CACNA2D1: variants seen among roughly 807,000 people sequenced by gnomAD.
CACNA2D1 encodes calcium voltage-gated channel auxiliary subunit alpha2delta 1.
Under a neutral mutation model 171.5 loss-of-function variants are expected in CACNA2D1, and 53 were observed. The observed-to-expected ratio is 0.31, with a 90% confidence interval of 0.25 to 0.39. The LOEUF (loss-of-function observed/expected upper bound fraction) is 0.39. Among genes scored for constraint, CACNA2D1 ranks in the 10% least tolerant of loss-of-function variants. CACNA2D1 has a pLI of 1.00. For synonymous variants in CACNA2D1, 442 were observed against 443.1 expected (o/e 1.00, Z 0.03); for missense variants, 903 against 1,299.8 (o/e 0.69, Z 4.69).
intron 4 of CACNA2D1, among the ~76,000 whole-genome samples, chr7:82,162,496 G>A (rs988684454): frequency 2.0e-5 from 3 of 151,940 alleles, no homozygotes; most frequent in African/African-American, 7.2e-5. Flanking sequence ...GCACAGCAGG[G>A]GAGAGCTGGT....
chr7:82,163,020 T>C (rs770796903), intron 4 of CACNA2D1, among the ~76,000 whole-genome samples: 6 of 152,024 alleles, frequency 3.9e-5, no homozygotes, highest in Non-Finnish European at 8.8e-5. Flanking sequence ...CACAGTAATA[T>C]TAACATAGCC....
intron 1 of CACNA2D1, among the ~76,000 whole-genome samples, chr7:82,441,976 G>T (rs1360286725): frequency 1.3e-5 from 2 of 152,224 alleles, no homozygotes; most frequent in Non-Finnish European, 2.9e-5. Context: ...GGAACATCCT[G>T]CCAATTAAAC....
intron 10 of CACNA2D1, among the ~76,000 whole-genome samples, chr7:82,049,596 A>T: frequency 6.6e-6 from 1 of 152,180 alleles, no homozygotes; most frequent in Non-Finnish European, 1.5e-5. Flanking sequence ...AGTTAACAGT[A>T]ATGCGATAAA....
At chr7:82,062,729 CTTTTTTTT>C (rs71520797) in intron 9 of CACNA2D1, among the ~76,000 whole-genome samples, 2 of 52,168 alleles carry the variant, frequency 3.8e-5, no homozygotes, top group Non-Finnish European at 6.7e-5. Context: ...GGTATATCTC[CTTTTTTTT>C]TTTTTTTTTT....
At chr7:82,111,333 C>T (rs1157327223) in intron 6 of CACNA2D1, among the ~76,000 whole-genome samples, 4 of 106,896 alleles carry the variant, frequency 3.7e-5, no homozygotes, top group African/African-American at 8.1e-5. Flanking sequence ...TACGCATACA[C>T]GTATATATAT....
intron 20 of CACNA2D1, among the ~76,000 whole-genome samples, chr7:81,991,828 C>T (rs1206913330): frequency 6.6e-6 from 1 of 151,658 alleles, no homozygotes; most frequent in Non-Finnish European, 1.5e-5. Context: ...ATTGCGATGG[C>T]ACATGTATAA....
chr7:82,026,581 T>C (rs1043617614), intron 12 of CACNA2D1, among the ~76,000 whole-genome samples: 2 of 151,860 alleles, frequency 1.3e-5, no homozygotes, highest in South Asian at 2.1e-4. Flanking sequence ...GTAACATTAA[T>C]TTTGTGGCTC....
At chr7:81,956,366 A>C (rs1159208063) in intron 38 of CACNA2D1, among the ~76,000 whole-genome samples, 2 of 151,962 alleles carry the variant, frequency 1.3e-5, no homozygotes, top group Non-Finnish European at 2.9e-5. Context: ...ATAACCTATA[A>C]ATCTTATCTA....
intron 3 of CACNA2D1, among the ~76,000 whole-genome samples, chr7:82,258,308 CAAA>C (rs60283753): frequency 5.6e-5 from 7 of 124,990 alleles, no homozygotes; most frequent in Admixed American, 2.4e-4. Flanking sequence ...CAGAAGGCAG[CAAA>C]AAAAAAAAAA....
At chr7:82,354,452 G>A (rs1820204700) in intron 1 of CACNA2D1, among the ~76,000 whole-genome samples, 1 of 152,154 alleles carries the variant, frequency 6.6e-6, no homozygotes, top group Non-Finnish European at 1.5e-5. Flanking sequence ...CTAATCCATG[G>A]CTAGAAGAGA....
At chr7:82,291,148 ATATAATTCTATATCGATATAGAAT>A (rs556735108) in intron 3 of CACNA2D1, among the ~76,000 whole-genome samples, 5,990 of 129,492 alleles carry the variant, frequency 0.046, 413 homozygotes, top group African/African-American at 0.15. Context: ...CCACTTGTAC[ATATAATTCTATATCGATATAGAAT>A]TATAATTCTA....
At chr7:82,189,887 T>A (rs1798123289) in intron 3 of CACNA2D1, among the ~76,000 whole-genome samples, 2 of 151,998 alleles carry the variant, frequency 1.3e-5, no homozygotes, top group Admixed American at 1.3e-4. Context: ...AGGAAAAAAA[T>A]TAAACTAATT....
At chr7:81,971,082 C>T (rs1262272960) in intron 26 of CACNA2D1, 1 of 257,116 alleles carries the variant, frequency 3.9e-6, no homozygotes, top group African/African-American at 2.3e-5. Flanking sequence ...AAACGTAAGA[C>T]AAAAGGAGAG....
chr7:82,413,211 G>C lies in CACNA2D1; in HGVS notation c.95+30154C>G, dbSNP rs562988146. Among the ~76,000 whole-genome samples, 9 of 152,110 alleles carry C rather than the reference G, an allele frequency of 5.9e-5. No homozygotes were observed. The South Asian group carries it at 1.9e-3, about 32-fold the overall frequency. On this transcript the variant is annotated intron_variant, in intron 1 of 38. Transcript: ENST00000356860. ...TTTTAATCTTTTATATTTTGTCTGA[G>C]GAACAATTTTTATATCTGTGCAAAA...
At chr7:81,970,021 T>TCTAC (rs748228113) in intron 27 of CACNA2D1, 37 bp from the exon 28 acceptor site, 10 of 1,192,946 alleles carry the variant, frequency 8.4e-6, no homozygotes, top group Non-Finnish European at 1.0e-5. Flanking sequence ...TATTCTTTAA[T>TCTAC]CTACCTGATA....
intron 1 of CACNA2D1, among the ~76,000 whole-genome samples, chr7:82,353,612 C>G (rs1427002988): frequency 6.6e-6 from 1 of 151,884 alleles, no homozygotes; most frequent in Non-Finnish European, 1.5e-5. Flanking sequence ...ATAGAGGAAC[C>G]TGAGTAGTAA....
At chr7:82,173,736 C>T (rs1019135931) in intron 3 of CACNA2D1, among the ~76,000 whole-genome samples, 6 of 151,838 alleles carry the variant, frequency 4.0e-5, no homozygotes, top group Non-Finnish European at 5.9e-5. Flanking sequence ...TAAATGGCAC[C>T]GGTGAATTGT....
intron 4 of CACNA2D1, among the ~76,000 whole-genome samples, chr7:82,151,140 T>C (rs1243564558): frequency 6.6e-6 from 1 of 152,156 alleles, no homozygotes; most frequent in Non-Finnish European, 1.5e-5. Flanking sequence ...CCTAGTTAAA[T>C]TGTATTCTTT....
rs546703995 is a variant in CACNA2D1, at chr7:82,440,937, C to CATT, written c.95+2425_95+2427dup. ...CTCTTCAGCTGATAAAAACTTCTTA[C>CATT]ATTACTTTTTCTGTGAAAAATGAAA... On this transcript the variant is annotated intron_variant, in intron 1 of 38. Transcript: ENST00000356860. Among the ~76,000 whole-genome samples, 832 of 151,420 alleles carry CATT rather than the reference C, an allele frequency of 5.5e-3. 5 individuals carry two copies. The highest frequency in any genetic ancestry group is 7.3e-3 in the Non-Finnish European group (491 of 67,686).
Sources: gnomAD v4.1 joint callset for allele counts (sites outside exome capture counted in the v4.1 genomes callset) on GRCh38, gnomAD v4.1.1 for gene constraint, MANE v1.5 for transcripts, NCBI Gene and HGNC (gene_info 2026-07-23, HGNC 2026-07-21) for gene names.